WEE2: variants seen among roughly 807,000 people sequenced by gnomAD.
WEE2 encodes wee1-like protein kinase 2.
In WEE2, 50 loss-of-function variants were observed where a neutral mutation model predicts 60.1. That is an observed-to-expected ratio of 0.83 (90% confidence interval 0.66 to 1.05). WEE2 has a LOEUF of 1.05. Ranked by LOEUF, WEE2 falls within the 50% of genes least tolerant of loss-of-function variation. The pLI is 0.00. For synonymous variants in WEE2, 240 were observed against 241.0 expected (o/e 1.00, Z 0.04); for missense variants, 631 against 684.3 (o/e 0.92, Z 0.87).
chr7:141,724,144 G>C, intron 7 of WEE2, 46 bp from the exon 8 acceptor site: 5 of 1,585,984 alleles, frequency 3.2e-6, no homozygotes, highest in Non-Finnish European at 4.3e-6. Flanking sequence ...TGCTTTTAAA[G>C]CTCTTTTGTT....
chr7:141,726,053 CTA>C lies in WEE2; in HGVS notation c.1392+859_1392+860del, dbSNP rs534845650. 3.2e-4 allele frequency among the ~76,000 whole-genome samples: 48 copies of C among 152,180 alleles called. 1 individual carries two copies. The South Asian group carries it at 6.2e-3, about 20-fold the overall frequency. On this transcript the variant is annotated intron_variant, in intron 9 of 11. Transcript: ENST00000397541. ...AAAGGCATAATGTCAATTCAAAAAT[CTA>C]TGTTTTACTTGTTCTTAATGACATC...
chr7:141,730,941 A>G lies in WEE2; in HGVS notation c.*621A>G, dbSNP rs1481509552. 1 of 152,224 alleles carries G rather than the reference A, an allele frequency of 6.6e-6. No individual in the cohort carries two copies. Among genetic ancestry groups the G allele is most frequent in the Admixed American group, 6.5e-5 (1 of 15,280 alleles). 9.4% of individuals were successfully genotyped at this position (152,224 alleles called of 1,614,324 possible). On this transcript the variant is annotated 3_prime_UTR_variant, in exon 12 of 12. Transcript: ENST00000397541. ...TCTTGTCCAAAGCCTAATTACAGGT[A>G]AAATATCCTTTGTAAAATGTAACTA...
At chr7:141,719,324 C>T (rs750903672) in intron 4 of WEE2, 80 bp downstream of exon 4, 19 of 1,262,266 alleles carry the variant, frequency 1.5e-5, no homozygotes, top group Non-Finnish European at 2.1e-5. Context: ...TAAATTAAAG[C>T]ACCGATGTCA....
At chr7:141,725,381 C>T (rs1798995875) in intron 9 of WEE2, among the ~76,000 whole-genome samples, 185 bp downstream of exon 9, 4 of 152,218 alleles carry the variant, frequency 2.6e-5, no homozygotes, top group East Asian at 3.9e-4. Context: ...AATCTCAGCA[C>T]TTTGGGAGGC....
intron 9 of WEE2, 59 bp from the exon 10 acceptor site, chr7:141,727,245 G>T: frequency 6.4e-7 from 1 of 1,562,576 alleles, no homozygotes. Context: ...GGCTTGAATG[G>T]GAAGATTTTT....
chr7:141,708,524 C>G lies in WEE2; in HGVS notation c.-235C>G. On this transcript the variant is annotated 5_prime_UTR_variant, in exon 1 of 12. Transcript: ENST00000397541. ...CTGCATTTAATTGCTCCGAGAGTCA[C>G]TGGAGCTTTCTTTAATCAGAATGGA... 1.8e-6 allele frequency: 1 copy of G among 560,416 alleles called. No homozygotes were observed. Among genetic ancestry groups the G allele is most frequent in the Non-Finnish European group, 3.2e-6 (1 of 315,198 alleles). 34.7% of individuals were successfully genotyped at this position (560,416 alleles called of 1,614,324 possible). A position where few individuals can be genotyped will look rare whatever the true frequency, so the allele number is the denominator to read the frequency against.
intron 10 of WEE2, among the ~76,000 whole-genome samples, chr7:141,728,625 A>G (rs1336486161): frequency 6.6e-6 from 1 of 152,188 alleles, no homozygotes; most frequent in Non-Finnish European, 1.5e-5. Context: ...AGTGATGGGC[A>G]CCTATCATAG....
chr7:141,730,145 C>T, intron 11 of WEE2, 150 bp from the exon 12 acceptor site: 1 of 579,034 alleles, frequency 1.7e-6, no homozygotes, highest in East Asian at 3.2e-5. Flanking sequence ...TACTAATTTA[C>T]CATTTATAGC....
intron 11 of WEE2, among the ~76,000 whole-genome samples, chr7:141,729,975 G>A (rs1211053892): frequency 7.0e-6 from 1 of 143,106 alleles, no homozygotes; most frequent in African/African-American, 2.6e-5. Flanking sequence ...GCAACAGAGC[G>A]AGACTCTGTA....
chr7:141,720,766 T>C lies in WEE2; in HGVS notation c.759-169T>C, dbSNP rs1277575069. On this transcript the variant is annotated intron_variant, in intron 4 of 11. Transcript: ENST00000397541. ...TCAACAGCCTTCATTGTTTCCACTG[T>C]ATATTACCAAATGATTATTAAGATT... 2.4e-5 allele frequency: 19 copies of C among 798,572 alleles called. No individual in the cohort carries two copies. The East Asian group carries it at 4.5e-4, about 19-fold the overall frequency. 49.5% of individuals were successfully genotyped at this position (798,572 alleles called of 1,614,324 possible). A position where few individuals can be genotyped will look rare whatever the true frequency, so the allele number is the denominator to read the frequency against.
At chr7:141,716,080 A>G in intron 2 of WEE2, 142 bp from the exon 3 acceptor site, 1 of 650,290 alleles carries the variant, frequency 1.5e-6, no homozygotes, top group Non-Finnish European at 2.5e-6. Flanking sequence ...TTGTATTGAA[A>G]TTTCCTGGTT....
intron 4 of WEE2, among the ~76,000 whole-genome samples, chr7:141,720,141 C>CTTTTTTTTTTTTTTTTTTTTTTT (rs571238574): frequency 6.2e-5 from 4 of 64,202 alleles, no homozygotes; most frequent in South Asian, 9.0e-4. Context: ...TAGAATTCCT[C>CTTTTTTTTTTTTTTTTTTTTTTT]TTTTTTTTTT....
chr7:141,714,295 C>A lies in WEE2; in HGVS notation c.429C>A (p.Leu143=), dbSNP rs1356436409. Residue 143 remains leucine, a synonymous_variant, in exon 2 of 12, where the codon CTC becomes CTA. Coordinates refer to ENST00000397541, the MANE Select transcript of WEE2 (RefSeq NM_001105558.1). ...ATTTGAAGCTCACACCTGCTCCCCT[C>A]AAGGATGAGATGACCTCATTGGCTC... ...PKHLKLTPAP[L]KDEMTSLALV... 6.2e-7 allele frequency: 1 copy of A among 1,613,802 alleles called. No homozygotes were observed. The highest frequency in any genetic ancestry group is 1.3e-5 in the African/African-American group (1 of 74,896).
At chr7:141,724,944 G>A in intron 8 of WEE2, 82 bp from the exon 9 acceptor site, 1 of 1,490,638 alleles carries the variant, frequency 6.7e-7, no homozygotes, top group Non-Finnish European at 9.1e-7. Flanking sequence ...GCACTCGAAT[G>A]AACCTTTCCT....
intron 10 of WEE2, among the ~76,000 whole-genome samples, 172 bp from the exon 11 acceptor site, chr7:141,729,359 A>G (rs1209551023): frequency 6.6e-6 from 1 of 152,248 alleles, no homozygotes; most frequent in Non-Finnish European, 1.5e-5. Context: ...GTGTGTGTCA[A>G]CCATTTTTTA....
At chr7:141,713,649 G>A (rs1563012411) in intron 1 of WEE2, among the ~76,000 whole-genome samples, 2 of 152,088 alleles carry the variant, frequency 1.3e-5, no homozygotes, top group African/African-American at 4.8e-5. Flanking sequence ...CTTTTTTCAT[G>A]TTTAAATAGT....
In WEE2 at chr7:141,708,967, C is replaced by T. The variant is rs770227288; in HGVS notation, c.209C>T (p.Ser70Leu). 22 of 1,613,990 alleles carry T rather than the reference C, an allele frequency of 1.4e-5. No individual in the cohort carries two copies. Among genetic ancestry groups the T allele is most frequent in the Admixed American group, 1.2e-4 (7 of 60,002 alleles). The change falls in exon 1 of 12, where the codon TCG becomes TTG. Residue 70 changes from serine (S) to leucine (L), a missense_variant. Physicochemically the swap from Ser to Leu is moderately radical, Grantham distance 145. Transcript: ENST00000397541. ...AACGTGCATGAGCTCGACACATCTT[C>T]GGAAAAAGACAAAGAAAGTCCAGAT... ...LSNVHELDTS[S>L]EKDKESPDQI...
At chr7:141,710,897 AT>A (rs1045232214) in intron 1 of WEE2, among the ~76,000 whole-genome samples, 2 of 152,080 alleles carry the variant, frequency 1.3e-5, no homozygotes, top group Non-Finnish European at 2.9e-5. Flanking sequence ...GAGTAGAGGG[AT>A]TTTTTTGGAA....
intron 5 of WEE2, among the ~76,000 whole-genome samples, chr7:141,722,079 T>A (rs1798922793): frequency 6.6e-6 from 1 of 152,138 alleles, no homozygotes; most frequent in African/African-American, 2.4e-5. Flanking sequence ...TGGGTCTCTA[T>A]AATTTGAAGA....
Sources: allele counts gnomAD v4.1 joint callset (sites outside exome capture counted in the v4.1 genomes callset), GRCh38; gene constraint gnomAD v4.1.1; transcripts MANE v1.5; gene names NCBI Gene and HGNC (gene_info 2026-07-23, HGNC 2026-07-21).